ZNF143: variants seen among roughly 807,000 people sequenced by gnomAD.
The protein encoded by ZNF143 is zinc finger protein 143, also known as SPH-binding factor.
In ZNF143, 49 loss-of-function variants were observed where a neutral mutation model predicts 74.1. The observed-to-expected ratio is 0.66, with a 90% CI of 0.53 to 0.84. The LOEUF (loss-of-function observed/expected upper bound fraction) is 0.84, where lower values mean the gene tolerates loss of function less well. Among genes scored for constraint, ZNF143 ranks in the 40% least tolerant of loss-of-function variants. The pLI is 0.00. For synonymous variants in ZNF143, 304 were observed against 282.8 expected, an observed-to-expected ratio of 1.07 and a Z score of -0.75; for missense variants, 637 against 793.4, an observed-to-expected ratio of 0.80 and a Z score of 2.37.
chr11:9,485,496 T>C (rs1847438107), intron 7 of ZNF143, among the ~76,000 whole-genome samples: 1 of 151,236 alleles, frequency 6.6e-6, no homozygotes, highest in Non-Finnish European at 1.5e-5. Context: ...TACAGGCTTA[T>C]ACCACCATGC....
chr11:9,477,780 T>C (rs560973008), intron 5 of ZNF143, among the ~76,000 whole-genome samples: 2 of 152,276 alleles, frequency 1.3e-5, no homozygotes, highest in South Asian at 4.1e-4. Context: ...TCTCTACATA[T>C]TGATTTTGAC....
At chr11:9,496,265 G>A (rs781720325) in intron 8 of ZNF143, 38 bp from the exon 9 acceptor site, 13 of 1,593,830 alleles carry the variant, frequency 8.2e-6, no homozygotes, top group East Asian at 2.2e-5. Flanking sequence ...TGAGGAATAC[G>A]TAAAGGAAAT....
chr11:9,481,802 C>G (rs1197109681), intron 7 of ZNF143, among the ~76,000 whole-genome samples: 1 of 148,412 alleles, frequency 6.7e-6, no homozygotes, highest in Non-Finnish European at 1.5e-5. Context: ...GCAGGAGAAT[C>G]GCTTGAACCT....
intron 11 of ZNF143, among the ~76,000 whole-genome samples, chr11:9,505,718 C>T (rs75054718): frequency 2.0e-5 from 3 of 151,192 alleles, no homozygotes; most frequent in Middle Eastern, 3.2e-3. Context: ...CCTGTCTCTA[C>T]CAAAAAATAC....
intron 11 of ZNF143, among the ~76,000 whole-genome samples, chr11:9,501,955 G>A (rs1299416327): frequency 2.5e-4 from 20 of 79,194 alleles, no homozygotes; most frequent in African/African-American, 1.0e-3. Flanking sequence ...TTTTTTTTTG[G>A]GATGGAGTTT....
chr11:9,507,243 A>G (rs1311783158), intron 11 of ZNF143, among the ~76,000 whole-genome samples: 1 of 152,196 alleles, frequency 6.6e-6, no homozygotes, highest in East Asian at 1.9e-4. Flanking sequence ...AAACCAGGAC[A>G]TGCATATGTA....
intron 11 of ZNF143, among the ~76,000 whole-genome samples, chr11:9,504,961 C>A (rs1848305718): frequency 1.8e-5 from 2 of 109,626 alleles, no homozygotes; most frequent in South Asian, 6.3e-4. Context: ...GTGTGAGCCA[C>A]CACGCCCAGC....
chr11:9,472,070 A>G (rs894436177), intron 2 of ZNF143, among the ~76,000 whole-genome samples: 3 of 150,690 alleles, frequency 2.0e-5, no homozygotes, highest in Non-Finnish European at 2.9e-5. Flanking sequence ...CTGAGACTAC[A>G]GGCACCCACC....
rs1456939748 is a variant in ZNF143, at chr11:9,516,140, T to C, written c.1525-61T>C. 26 of 1,556,588 alleles carry C rather than the reference T, an allele frequency of 1.7e-5. No individual in the cohort carries two copies. In the South Asian group the frequency reaches 2.6e-4, roughly 16 times the overall value. On this transcript the variant is annotated intron_variant, in intron 13 of 15. Transcript: ENST00000396602. ...ATACAAGGATTAGTCCTGGTCCTTA[T>C]GGAAGATTGTCAGCTATAACAAGAA...
At chr11:9,523,740 TATATA>T (rs1425766556) in intron 14 of ZNF143, among the ~76,000 whole-genome samples, 1 of 148,610 alleles carries the variant, frequency 6.7e-6, no homozygotes, top group East Asian at 2.0e-4. Flanking sequence ...TCTCAAAAAA[TATATA>T]ATAATAATAA....
At chr11:9,510,371 A>G (rs1304119375) in intron 12 of ZNF143, among the ~76,000 whole-genome samples, 3 of 151,982 alleles carry the variant, frequency 2.0e-5, no homozygotes, top group Non-Finnish European at 1.5e-5. Context: ...TGATCCGCCC[A>G]CCTCGGCCTC....
intron 9 of ZNF143, among the ~76,000 whole-genome samples, chr11:9,497,222 C>A (rs1847990920): frequency 6.6e-6 from 1 of 152,128 alleles, no homozygotes; most frequent in Admixed American, 6.6e-5. Flanking sequence ...AGCTATGATA[C>A]TTTTGTACAT....
chr11:9,513,818 C>A (rs921523694), intron 13 of ZNF143, among the ~76,000 whole-genome samples: 1 of 152,176 alleles, frequency 6.6e-6, no homozygotes, highest in African/African-American at 2.4e-5. Flanking sequence ...TCACTTGCAC[C>A]CAGGAGGCGG....
At chr11:9,508,544 C>G in intron 11 of ZNF143, 75 bp from the exon 12 acceptor site, 1 of 1,387,836 alleles carries the variant, frequency 7.2e-7, no homozygotes, top group Admixed American at 1.9e-5. Context: ...GGTATTTTAC[C>G]CCCTGGGGGG....
At chr11:9,508,935 C>G (rs1338724829) in intron 12 of ZNF143, 89 bp downstream of exon 12, 5 of 1,312,622 alleles carry the variant, frequency 3.8e-6, no homozygotes, top group Non-Finnish European at 5.3e-6. Flanking sequence ...TTTCTGAAAT[C>G]CTAATGTGTC....
intron 7 of ZNF143, among the ~76,000 whole-genome samples, chr11:9,490,030 A>T (rs935131729): frequency 4.6e-5 from 7 of 151,868 alleles, no homozygotes; most frequent in African/African-American, 1.2e-4. Flanking sequence ...TTTTTTTTTT[A>T]AAAACAAGCT....
At chr11:9,525,608 G>GA (rs928691141) in intron 15 of ZNF143, 46 of 568,962 alleles carry the variant, frequency 8.1e-5, no homozygotes, top group East Asian at 1.7e-4. Context: ...TTTATAGCAA[G>GA]AAAAAAAACC....
rs533373003 is a variant in ZNF143, at chr11:9,484,658, G to A, written c.645+5112G>A. 4.8e-5 allele frequency among the ~76,000 whole-genome samples: 7 copies of A among 144,438 alleles called. No individual in the cohort carries two copies. The East Asian group carries it at 9.9e-4, about 21-fold the overall frequency. The allele number at this position is 144,438 out of a possible 152,430, so 94.8% of individuals were successfully genotyped here. A position where few individuals can be genotyped will look rare whatever the true frequency, so the allele number is the denominator to read the frequency against. ...TTTTGAGATGGAGTCTCACTCTGTC[G>A]CCCAAGCTGAAGTGCAATGGCCTGA... On this transcript the variant is annotated intron_variant, in intron 7 of 15. Transcript: ENST00000396602.
At chr11:9,474,746 C>A in intron 5 of ZNF143, 113 bp downstream of exon 5, 1 of 1,099,052 alleles carries the variant, frequency 9.1e-7, no homozygotes, top group Non-Finnish European at 1.3e-6. Flanking sequence ...TGTATTTATT[C>A]ATTAAAGTAC....
Sources: gnomAD v4.1 joint callset for allele counts (sites outside exome capture counted in the v4.1 genomes callset) on GRCh38, gnomAD v4.1.1 for gene constraint, MANE v1.5 for transcripts, NCBI Gene and HGNC (gene_info 2026-07-23, HGNC 2026-07-21) for gene names.